The following RBFOX2 variants were observed in gnomAD, a reference collection of about 807,000 sequenced individuals.
RBFOX2 encodes RNA binding protein fox-1 homolog 2.
A neutral mutation model predicts 49.1 loss-of-function variants in RBFOX2; 10 were observed. The ratio of observed to expected loss-of-function variants is 0.20; its 90% confidence interval spans 0.13 to 0.35. The LOEUF is 0.35. Ranked by LOEUF, RBFOX2 falls within the 10% of genes least tolerant of loss-of-function variation. The probability of loss-of-function intolerance (pLI) is 1.00; values close to 1 mark genes in which losing one functional copy is unlikely to be tolerated. For synonymous variants in RBFOX2, 183 were observed against 187.4 expected (o/e 0.98, Z 0.19); for missense variants, 323 against 486.9 (o/e 0.66, Z 3.17).
chr22:35,914,774 C>CG (rs763497163), intron 1 of RBFOX2, among the ~76,000 whole-genome samples: 7 of 152,256 alleles, frequency 4.6e-5, no homozygotes, highest in Admixed American at 1.3e-4. Context: ...ACCCGATCCC[C>CG]GGGGGTAAAC....
At chr22:35,779,109 C>T (rs1222652277) in intron 3 of RBFOX2, among the ~76,000 whole-genome samples, 1 of 152,040 alleles carries the variant, frequency 6.6e-6, no homozygotes, top group Non-Finnish European at 1.5e-5. Context: ...ACTAAAGACA[C>T]GAAGCCTAAA....
At chr22:35,883,493 TA>T (rs2046187669) in intron 1 of RBFOX2, among the ~76,000 whole-genome samples, 1 of 152,210 alleles carries the variant, frequency 6.6e-6, no homozygotes, top group South Asian at 2.1e-4. Flanking sequence ...GCTTTATCTT[TA>T]GACCGCCATT....
intron 1 of RBFOX2, among the ~76,000 whole-genome samples, chr22:35,952,031 T>C (rs1197629153): frequency 1.3e-5 from 2 of 152,210 alleles, no homozygotes; most frequent in Non-Finnish European, 2.9e-5. Flanking sequence ...ATGCCTGCTT[T>C]CCTTTCGGGA....
At chr22:35,897,551 GA>G in intron 1 of RBFOX2, 7 of 874,860 alleles carry the variant, frequency 8.0e-6, no homozygotes, top group African/African-American at 1.6e-5. Context: ...CCTTTGCTGT[GA>G]GCCACAGCAA....
chr22:35,889,749 A>AT (rs1228377284), intron 1 of RBFOX2, among the ~76,000 whole-genome samples: 1 of 152,162 alleles, frequency 6.6e-6, no homozygotes, highest in Non-Finnish European at 1.5e-5. Flanking sequence ...CATTGTCTAC[A>AT]TTTTGTGATA....
At position 35,907,899 on chromosome 22, in the gene RBFOX2, G is replaced by A. The variant is rs570960325; in HGVS notation, c.-34+30948C>T. Among the ~76,000 whole-genome samples the A allele has an allele frequency of 1.1e-3, 174 of 151,800 alleles. 1 individual carries two copies. The highest frequency in any genetic ancestry group is 4.0e-3 in the African/African-American group (164 of 41,466). Reference sequence around the variant, plus strand: ...TGACCTTAAGAGATCTACCTGCCTCGACCTCCCAAAGTGCTGGAATTACAG... The same window carrying A: ...TGACCTTAAGAGATCTACCTGCCTCAACCTCCCAAAGTGCTGGAATTACAG... On this transcript the variant is annotated intron_variant, in intron 1 of 13. Transcript: ENST00000359369.
intron 1 of RBFOX2, among the ~76,000 whole-genome samples, chr22:35,908,277 T>A (rs1382326998): frequency 6.6e-6 from 1 of 152,228 alleles, no homozygotes; most frequent in Admixed American, 6.5e-5. Context: ...ACAAATGTTC[T>A]TCAACTTACA....
chr22:35,788,723 C>G (rs1358508139), intron 2 of RBFOX2, among the ~76,000 whole-genome samples: 2 of 152,202 alleles, frequency 1.3e-5, no homozygotes, highest in African/African-American at 4.8e-5. Flanking sequence ...GTAGGACTAT[C>G]CAAATACACC....
chr22:35,792,900 T>C (rs1948048137), intron 2 of RBFOX2, among the ~76,000 whole-genome samples: 2 of 152,246 alleles, frequency 1.3e-5, no homozygotes, highest in Admixed American at 1.3e-4. Context: ...TGTTAGAACA[T>C]CAACCAGATT....
At chr22:35,791,961 C>CT (rs1947761628) in intron 2 of RBFOX2, among the ~76,000 whole-genome samples, 1 of 152,128 alleles carries the variant, frequency 6.6e-6, no homozygotes, top group Non-Finnish European at 1.5e-5. Context: ...GTAGATATTT[C>CT]TATTAACTGC....
At chr22:35,798,122 T>C (rs780104437) in intron 2 of RBFOX2, among the ~76,000 whole-genome samples, 9 of 152,162 alleles carry the variant, frequency 5.9e-5, no homozygotes, top group Admixed American at 1.3e-4. Context: ...ATTACAGGCA[T>C]GCACCACCAC....
upstream of RBFOX2, among the ~76,000 whole-genome samples, chr22:35,845,116 A>T (rs1329145549): frequency 6.6e-6 from 1 of 152,138 alleles, no homozygotes; most frequent in East Asian, 1.9e-4. Flanking sequence ...GCAACATTAA[A>T]GGGAGAGCAT....
intron 4 of RBFOX2, among the ~76,000 whole-genome samples, chr22:35,768,736 T>C (rs1008262363): frequency 6.6e-6 from 1 of 152,192 alleles, no homozygotes; most frequent in Non-Finnish European, 1.5e-5. Flanking sequence ...CTTTATGTAA[T>C]ACTAAAAAAG....
At chr22:36,026,459 T>C (rs919551665) in intron 1 of RBFOX2, among the ~76,000 whole-genome samples, 4 of 151,718 alleles carry the variant, frequency 2.6e-5, no homozygotes, top group Admixed American at 2.6e-4. Flanking sequence ...AACCAACAGA[T>C]AATAGGCCCC....
At chr22:35,909,134 G>T (rs938600038) in intron 1 of RBFOX2, among the ~76,000 whole-genome samples, 1 of 152,112 alleles carries the variant, frequency 6.6e-6, no homozygotes, top group African/African-American at 2.4e-5. Flanking sequence ...GAGCCACTGC[G>T]CCCAGCACAT....
exon 12 of RBFOX2, chr22:35,742,767 ACT>A (rs1930584501): frequency 2.0e-5 from 3 of 152,064 alleles, no homozygotes; most frequent in African/African-American, 7.3e-5. Flanking sequence ...TCACTGCGCG[ACT>A]CTTTCTGGTG....
At chr22:35,958,767 C>A (rs903083326) in intron 1 of RBFOX2, among the ~76,000 whole-genome samples, 3 of 151,962 alleles carry the variant, frequency 2.0e-5, no homozygotes, top group African/African-American at 4.8e-5. Context: ...GTTTTAAAAA[C>A]CAGGAATTAC....
At chr22:35,931,044 A>G (rs2052334255) in intron 1 of RBFOX2, among the ~76,000 whole-genome samples, 1 of 152,170 alleles carries the variant, frequency 6.6e-6, no homozygotes. Flanking sequence ...ATGTAATAGT[A>G]AAGCTGATTA....
intron 1 of RBFOX2, among the ~76,000 whole-genome samples, chr22:35,924,874 T>C (rs768203533): frequency 6.6e-6 from 1 of 152,144 alleles, no homozygotes; most frequent in East Asian, 1.9e-4. Context: ...TAAAGTACTA[T>C]TACAAAGTAG....
Sources: allele counts gnomAD v4.1 joint callset (sites outside exome capture counted in the v4.1 genomes callset), GRCh38; gene constraint gnomAD v4.1.1; transcripts MANE v1.5; gene names NCBI Gene and HGNC (gene_info 2026-07-23, HGNC 2026-07-21).